The following LIFR variants were observed in gnomAD, a reference collection of about 807,000 sequenced individuals.
LIFR encodes the protein LIF receptor subunit alpha.
A neutral mutation model predicts 122.2 loss-of-function variants in LIFR; 84 were observed. That is an observed-to-expected ratio of 0.69 (90% CI 0.58 to 0.82). The LOEUF is 0.82. Ranked by LOEUF, LIFR falls within the 40% of genes least tolerant of loss-of-function variation. The pLI is 0.00. For synonymous variants in LIFR, 422 were observed against 434.7 expected (o/e 0.97, Z 0.36); for missense variants, 1,294 against 1,311.6 (o/e 0.99, Z 0.21).
chr5:38,510,658 T>A lies in LIFR; in HGVS notation c.797A>T (p.Asp266Val). The A allele has an allele frequency of 6.2e-7, 1 of 1,613,900 alleles. No individual in the cohort carries two copies. The highest frequency in any genetic ancestry group is 8.5e-7 in the Non-Finnish European group (1 of 1,179,822). ...TTGACTCACACAACAAAATGTTATG[T>A]CTGAGCCTACAAGTATCACTTTATC... ...PQDKVILVGS[D>V]ITFCCVSQEK... Residue 266 changes from aspartate to valine, a missense_variant, in exon 7 of 20, where the codon GAC (aspartate) becomes GTC (valine). Transcript: ENST00000453190.
chr5:38,608,342 A>T (rs1407055460), exon 1 of LIFR: 1 of 152,158 alleles, frequency 6.6e-6, no homozygotes, highest in African/African-American at 2.4e-5. Context: ...TAAAAAAAAA[A>T]GTACACAAAC....
intron 13 of LIFR, among the ~76,000 whole-genome samples, chr5:38,494,931 T>A (rs1334089082): frequency 1.3e-5 from 2 of 152,182 alleles, no homozygotes; most frequent in Non-Finnish European, 1.5e-5. Flanking sequence ...AAGGGTTCAG[T>A]AAAAATAAAC....
upstream of LIFR, among the ~76,000 whole-genome samples, chr5:38,560,513 G>T (rs2112690189): frequency 6.6e-6 from 1 of 151,964 alleles, no homozygotes; most frequent in Middle Eastern, 3.4e-3. Flanking sequence ...TGATTTCAGG[G>T]TGCTATGTCA....
intron 1 of LIFR, among the ~76,000 whole-genome samples, chr5:38,537,417 A>T (rs1747349696): frequency 6.6e-6 from 1 of 152,186 alleles, no homozygotes; most frequent in African/African-American, 2.4e-5. Context: ...CTGACTACTC[A>T]TATCCCACTT....
At chr5:38,579,932 C>G (rs1467093989) in intron 1 of LIFR, among the ~76,000 whole-genome samples, 1 of 152,148 alleles carries the variant, frequency 6.6e-6, no homozygotes. Flanking sequence ...AGAGGTGACT[C>G]TAATAAGCTA....
At position 38,479,098 on chromosome 5, in the gene LIFR, C is replaced by T. The variant is rs1255637469; in HGVS notation, c.*2497G>A. 15 of 232,196 alleles carry T rather than the reference C, an allele frequency of 6.5e-5. No homozygotes were observed. Among genetic ancestry groups the T allele is most frequent in the Admixed American group, 3.9e-4 (7 of 17,758 alleles). The allele number at this position is 232,196 out of a possible 1,614,324, so 14.4% of individuals were successfully genotyped here. A position where few individuals can be genotyped will look rare whatever the true frequency, so the allele number is the denominator to read the frequency against. ...CCTTCCAACTTCCCTCCCCTCTTCC[C>T]GTGTTGTTACTCTCCCTACACACAC... On this transcript the variant is annotated 3_prime_UTR_variant, in exon 20 of 20. Coordinates refer to ENST00000453190, the MANE Select transcript of LIFR (RefSeq NM_001127671.2).
chr5:38,522,978 A>G (rs1746483633), intron 5 of LIFR, among the ~76,000 whole-genome samples: 1 of 152,212 alleles, frequency 6.6e-6, no homozygotes, highest in Admixed American at 6.5e-5. Context: ...CGAGAGAGGG[A>G]AAAAGCATGT....
At chr5:38,568,417 G>A (rs1309827005) in intron 1 of LIFR, among the ~76,000 whole-genome samples, 1 of 152,186 alleles carries the variant, frequency 6.6e-6, no homozygotes, top group Non-Finnish European at 1.5e-5. Flanking sequence ...AAGGAGGTCA[G>A]TGTGGCTGGA....
chr5:38,496,610 C>G lies in LIFR; in HGVS notation c.1672-15G>C. On this transcript the variant is annotated splice_polypyrimidine_tract_variant and intron_variant, in intron 12 of 19. Transcript: ENST00000453190. The stretch of plus-strand genomic sequence containing the variant: ...ATGGGTAAAGGCTATGAAAAACAGA[C>G]AAATTGTTATAAAACCCTGCAAAAC... 1 of 1,576,570 alleles carries G rather than the reference C, an allele frequency of 6.3e-7. No individual in the cohort carries two copies. The highest frequency in any genetic ancestry group is 1.3e-5 in the African/African-American group (1 of 74,258).
chr5:38,523,372 T>C (rs757933723), intron 5 of LIFR, 47 bp downstream of exon 5: 3 of 1,511,846 alleles, frequency 2.0e-6, no homozygotes, highest in South Asian at 2.4e-5. Flanking sequence ...AAAAAAATTA[T>C]TCAGTTTCTT....
At chr5:38,591,149 T>A (rs1562135) in intron 1 of LIFR, among the ~76,000 whole-genome samples, 125,723 of 152,272 alleles carry the variant, frequency 0.83, 52,080 homozygotes, top group East Asian at 0.96. Context: ...ACATTGGAAC[T>A]GCAGAAGCAA....
At chr5:38,495,511 T>C (rs1398382066) in intron 13 of LIFR, among the ~76,000 whole-genome samples, 2 of 152,190 alleles carry the variant, frequency 1.3e-5, no homozygotes, top group East Asian at 3.9e-4. Flanking sequence ...TTCCTCCTAA[T>C]TCTCCTATGA....
At chr5:38,509,735 A>G (rs1041407720) in intron 7 of LIFR, among the ~76,000 whole-genome samples, 1 of 152,206 alleles carries the variant, frequency 6.6e-6, no homozygotes, top group African/African-American at 2.4e-5. Context: ...AGTGACACCA[A>G]AACATTACAG....
rs1299212841 is a variant in LIFR, at chr5:38,510,632, C to T, written c.823G>A (p.Glu275Lys). 1 of 1,613,964 alleles carries T rather than the reference C, an allele frequency of 6.2e-7. No homozygotes were observed. Among genetic ancestry groups the T allele is most frequent in the Non-Finnish European group, 8.5e-7 (1 of 1,179,918 alleles). Residue 275 changes from glutamate to lysine, a missense_variant, in exon 7 of 20, where the codon GAA becomes AAA. Physicochemically the swap from Glu to Lys is moderately conservative, Grantham distance 56. Transcript: ENST00000453190. ...SDITFCCVSQ[E>K]KVLSALIGHT... is the part of the protein sequence containing the mutation. ...CCAATCAGTGCTGATAACACTTTTT[C>T]TTGACTCACACAACAAAATGTTATG... is the stretch of plus-strand genomic sequence containing the variant.
chr5:38,482,602 T>C lies in LIFR; in HGVS notation c.2657A>G (p.Lys886Arg). 1 of 1,489,896 alleles carries C rather than the reference T, an allele frequency of 6.7e-7. No homozygotes were observed. The highest frequency in any genetic ancestry group is 9.2e-7 in the Non-Finnish European group (1 of 1,090,606). 92.3% of individuals were successfully genotyped at this position (1,489,896 alleles called of 1,614,324 possible). The change falls in exon 19 of 20, where the codon AAG (lysine) becomes AGG (arginine). Residue 886 changes from lysine to arginine, a missense_variant. Transcript: ENST00000453190. ...ATAAAAGATTACCTCACAGACACTC[T>C]TTTGAAACTGTAATGCTTTACAGTT... ...PENCKALQFQ[K>R]SVCEGSSALK...
intron 1 of LIFR, among the ~76,000 whole-genome samples, chr5:38,590,828 C>T (rs866890002): frequency 5.3e-5 from 8 of 152,278 alleles, no homozygotes; most frequent in African/African-American, 7.2e-5. Flanking sequence ...CATTCAAACC[C>T]GGGGATCTGA....
chr5:38,517,946 A>AAAAAAAAACAAAC (rs1242220304), intron 5 of LIFR, among the ~76,000 whole-genome samples: 1 of 148,000 alleles, frequency 6.8e-6, no homozygotes, highest in African/African-American at 2.5e-5. Flanking sequence ...CTCTATGAAA[A>AAAAAAAAACAAAC]AAAAAAAAAC....
In LIFR at chr5:38,489,108, CTCTT is replaced by C; in HGVS notation, c.2301_2304del (p.Arg768ThrfsTer5). 1 of 1,613,096 alleles carries C rather than the reference CTCTT, an allele frequency of 6.2e-7. No individual in the cohort carries two copies. The highest frequency in any genetic ancestry group is 8.5e-7 in the Non-Finnish European group (1 of 1,179,284). On this transcript the variant is annotated frameshift_variant, in exon 16 of 20. Coordinates refer to ENST00000453190, the MANE Select transcript of LIFR (RefSeq NM_001127671.2). LOFTEE classifies it high-confidence loss of function. The stretch of plus-strand genomic sequence containing the variant: ...TCTAAAACCCTCATCTTAGATGTGT[CTCTT>C]TCTCCTTTTCCAAAGTAAAACAAAT...
chr5:38,593,581 A>T (rs1043222694), intron 1 of LIFR, among the ~76,000 whole-genome samples: 1 of 151,824 alleles, frequency 6.6e-6, no homozygotes, highest in African/African-American at 2.4e-5. Context: ...GAGGAGGGGG[A>T]TAGACGGGTG....
Sources: allele counts gnomAD v4.1 joint callset (sites outside exome capture counted in the v4.1 genomes callset), GRCh38; gene constraint gnomAD v4.1.1; transcripts MANE v1.5; gene names NCBI Gene and HGNC (gene_info 2026-07-23, HGNC 2026-07-21).